Variants in RCC1L observed in about 807,000 individuals in gnomAD.
RCC1L encodes RCC1 like, also known as RCC1-like G exchanging factor-like protein.
In RCC1L, 46 loss-of-function variants were observed where a neutral mutation model predicts 58.6. The observed-to-expected ratio is 0.79, with a 90% confidence interval of 0.62 to 1.00. RCC1L has a LOEUF of 1.00. Ranked by LOEUF, RCC1L falls within the 50% of genes least tolerant of loss-of-function variation. The pLI, the probability that RCC1L is intolerant of heterozygous loss-of-function variation, is 0.00. For synonymous variants in RCC1L, 281 were observed against 262.9 expected, an observed-to-expected ratio of 1.07 and a Z score of -0.67; for missense variants, 636 against 623.6, an observed-to-expected ratio of 1.02 and a Z score of -0.21.
chr7:75,069,016 G>A (rs1326065180), intron 2 of RCC1L, among the ~76,000 whole-genome samples: 1 of 151,774 alleles, frequency 6.6e-6, no homozygotes, highest in African/African-American at 2.4e-5. Context: ...TTACAGGCGC[G>A]CGCCTCCATG....
At chr7:75,055,573 C>T in intron 9 of RCC1L, 4 of 383,764 alleles carry the variant, frequency 1.0e-5, no homozygotes, top group South Asian at 6.7e-5. Flanking sequence ...CATGGATCCG[C>T]CAAGCCTCTG....
chr7:75,032,846 A>C (rs1805341646), intron 10 of RCC1L, among the ~76,000 whole-genome samples: 4 of 151,846 alleles, frequency 2.6e-5, no homozygotes, highest in Admixed American at 1.3e-4. Flanking sequence ...TGGAGGCGGG[A>C]GGATTACCTG....
chr7:75,068,112 G>A (rs587768231), intron 2 of RCC1L, among the ~76,000 whole-genome samples: 35 of 151,964 alleles, frequency 2.3e-4, no homozygotes, highest in Admixed American at 3.9e-4. Flanking sequence ...CTGAGGTCGG[G>A]AGCTTGAGAC....
At chr7:75,048,525 T>A (rs908133300) in intron 10 of RCC1L, among the ~76,000 whole-genome samples, 2 of 152,234 alleles carry the variant, frequency 1.3e-5, no homozygotes, top group Non-Finnish European at 2.9e-5. Context: ...GTGTGCACAC[T>A]GTGGAGGGAG....
chr7:75,050,383 C>T lies in RCC1L; in HGVS notation c.1317+2328G>A, dbSNP rs909148999. 1.8e-4 allele frequency among the ~76,000 whole-genome samples: 28 copies of T among 152,314 alleles called. No individual in the cohort carries two copies. In the East Asian group the frequency reaches 3.9e-3, roughly 21 times the overall value. On this transcript the variant is annotated intron_variant, in intron 10 of 10. Transcript: ENST00000610322. Reference sequence around the variant, plus strand: ...GCAAGTGACCCAGATGGAATGTCAACGGGATCGGGCTCCGGCCACTCCCTG... The same window carrying T: ...GCAAGTGACCCAGATGGAATGTCAATGGGATCGGGCTCCGGCCACTCCCTG...
intron 9 of RCC1L, among the ~76,000 whole-genome samples, chr7:75,053,461 A>G (rs1007894732): frequency 2.1e-4 from 32 of 152,298 alleles, no homozygotes; most frequent in East Asian, 1.9e-4. Flanking sequence ...TTGATTGTCC[A>G]TATCTTGGGA....
intron 2 of RCC1L, among the ~76,000 whole-genome samples, chr7:75,070,017 C>T (rs1270721057): frequency 4.6e-5 from 7 of 152,154 alleles, no homozygotes; most frequent in Non-Finnish European, 7.3e-5. Flanking sequence ...TGCTTTTTCC[C>T]TCCAAAACAT....
intron 4 of RCC1L, 89 bp downstream of exon 4, chr7:75,064,493 C>T: frequency 6.8e-7 from 1 of 1,477,968 alleles, no homozygotes; most frequent in Non-Finnish European, 9.5e-7. Context: ...ATGCCTCTGA[C>T]CGCCCCGCGG....
chr7:75,032,632 G>T (rs957395392), intron 10 of RCC1L, among the ~76,000 whole-genome samples: 1 of 152,114 alleles, frequency 6.6e-6, no homozygotes, highest in Non-Finnish European at 1.5e-5. Flanking sequence ...CTCACCCTTG[G>T]CCCACAGGAA....
At chr7:75,062,408 G>A (rs1030922563) in intron 5 of RCC1L, among the ~76,000 whole-genome samples, 1 of 152,110 alleles carries the variant, frequency 6.6e-6, no homozygotes, top group Non-Finnish European at 1.5e-5. Flanking sequence ...CTACACAGGG[G>A]GCTGAGGCAA....
chr7:75,058,509 G>A (rs1806154810), intron 7 of RCC1L, 79 bp downstream of exon 7: 1 of 1,528,722 alleles, frequency 6.5e-7, no homozygotes, highest in Admixed American at 2.0e-5. Context: ...GGGATTACAG[G>A]TGTGAGCCAC....
chr7:75,066,256 C>A (rs1806478180), intron 3 of RCC1L, among the ~76,000 whole-genome samples: 1 of 151,988 alleles, frequency 6.6e-6, no homozygotes, highest in South Asian at 2.1e-4. Context: ...TTGAGACCAT[C>A]CTGGCTAACA....
chr7:75,073,602 G>A lies in RCC1L; in HGVS notation c.136C>T (p.Pro46Ser), dbSNP rs782135834. ...REAAEAEAEV[P>S]VVQYVGERAA... is the part of the protein sequence containing the mutation. ...CGCTCGCCCACGTACTGGACCACGG[G>A]CACCTCCGCCTCGGCTTCTGCCGCT... The change falls in exon 1 of 11, where the codon CCC becomes TCC. Residue 46 changes from proline (P) to serine (S), a missense_variant. Transcript: ENST00000610322. 1.0e-4 allele frequency: 158 copies of A among 1,527,534 alleles called. No homozygotes were observed. Among genetic ancestry groups the A allele is most frequent in the East Asian group, 6.7e-4 (25 of 37,578 alleles). 94.6% of individuals were successfully genotyped at this position (1,527,534 alleles called of 1,614,324 possible).
At chr7:75,059,712 A>G (rs1236928755) in intron 6 of RCC1L, among the ~76,000 whole-genome samples, 1 of 151,820 alleles carries the variant, frequency 6.6e-6, no homozygotes, top group Non-Finnish European at 1.5e-5. Flanking sequence ...GCCTGATCAC[A>G]ACAAGCAATT....
intron 8 of RCC1L, among the ~76,000 whole-genome samples, chr7:75,056,888 T>G (rs1180248113): frequency 6.6e-6 from 1 of 152,198 alleles, no homozygotes; most frequent in Admixed American, 6.5e-5. Flanking sequence ...CATAGCTCAC[T>G]GCAGCTCGAA....
At position 75,057,594 on chromosome 7, in the gene RCC1L, T is replaced by C. The variant is rs1157881990; in HGVS notation, c.992A>G (p.His331Arg). The change falls in exon 8 of 11, where the codon CAC becomes CGC. Residue 331 changes from histidine to arginine, a missense_variant. His to Arg is a conservative substitution (Grantham distance 29). Transcript: ENST00000610322. Reference sequence around the variant, plus strand: ...TCGCACCTTCCCCACTCCTGAGAAGTGTAAGCAGCGGGGCACATTCACCTG... The same window carrying C: ...TCGCACCTTCCCCACTCCTGAGAAGCGTAAGCAGCGGGGCACATTCACCTG... ...STQVNVPRCLHFSGVGKVRQA... is the reference protein window; with the variant it reads ...STQVNVPRCLRFSGVGKVRQA... The C allele has an allele frequency of 1.1e-5, 17 of 1,613,712 alleles. No individual in the cohort carries two copies. The highest frequency in any genetic ancestry group is 2.7e-5 in the African/African-American group (2 of 74,858).
chr7:75,066,580 A>G, intron 3 of RCC1L, 84 bp downstream of exon 3: 1 of 1,581,876 alleles, frequency 6.3e-7, no homozygotes, highest in African/African-American at 1.3e-5. Context: ...CAATCGATCA[A>G]GCCACTCAGG....
At chr7:75,066,205 A>G (rs1806474906) in intron 3 of RCC1L, among the ~76,000 whole-genome samples, 1 of 151,998 alleles carries the variant, frequency 6.6e-6, no homozygotes, top group South Asian at 2.1e-4. Context: ...TAATCCCAGC[A>G]CTTTGGGAGG....
At chr7:75,056,199 T>TC in intron 8 of RCC1L, 125 bp from the exon 9 acceptor site, 9 of 1,136,624 alleles carry the variant, frequency 7.9e-6, no homozygotes, top group Non-Finnish European at 1.0e-5. Context: ...TTTTTTTGTT[T>TC]TGTTTTTTTC....
Sources: gnomAD v4.1 joint callset for allele counts (sites outside exome capture counted in the v4.1 genomes callset) on GRCh38, gnomAD v4.1.1 for gene constraint, MANE v1.5 for transcripts, NCBI Gene and HGNC (gene_info 2026-07-23, HGNC 2026-07-21) for gene names.